KHDRBS2: variants seen among roughly 807,000 people sequenced by gnomAD.
KHDRBS2 encodes the protein KH RNA binding domain containing, signal transduction associated 2, also known as KH domain-containing, RNA-binding, signal transduction-associated protein 2.
In KHDRBS2, 26 loss-of-function variants were observed where a neutral mutation model predicts 44.3. That is an observed-to-expected ratio of 0.59 (90% CI 0.43 to 0.81). KHDRBS2 has a LOEUF of 0.81. Ranked by LOEUF, KHDRBS2 falls within the 40% of genes least tolerant of loss-of-function variation. KHDRBS2 has a pLI of 0.00. For missense variants in KHDRBS2, 476 were observed against 433.1 expected, an observed-to-expected ratio of 1.10 and a Z score of -0.88; for synonymous variants, 194 against 151.1, an observed-to-expected ratio of 1.28 and a Z score of -2.08.
intron 2 of KHDRBS2, among the ~76,000 whole-genome samples, chr6:62,073,934 G>T (rs1161359745): frequency 6.6e-6 from 1 of 151,746 alleles, no homozygotes; most frequent in Non-Finnish European, 1.5e-5. Flanking sequence ...TTTCCCCTAA[G>T]TGGTACTCCT....
intron 7 of KHDRBS2, among the ~76,000 whole-genome samples, chr6:61,712,091 G>A (rs9344549): frequency 1.3e-5 from 2 of 151,374 alleles, no homozygotes; most frequent in African/African-American, 2.4e-5. Flanking sequence ...GGCACATGGG[G>A]GAGCTCTTTT....
At chr6:62,004,583 A>G (rs544910687) in intron 3 of KHDRBS2, among the ~76,000 whole-genome samples, 2 of 146,316 alleles carry the variant, frequency 1.4e-5, no homozygotes, top group Non-Finnish European at 3.1e-5. Flanking sequence ...CCAGAGGTAC[A>G]AAGAGGAGCT....
chr6:61,998,835 A>T (rs1440963068), intron 3 of KHDRBS2, among the ~76,000 whole-genome samples: 2 of 152,030 alleles, frequency 1.3e-5, no homozygotes, highest in Non-Finnish European at 1.5e-5. Context: ...TCAAACATTG[A>T]CCTTGAAGTC....
intron 6 of KHDRBS2, among the ~76,000 whole-genome samples, chr6:61,747,700 C>T (rs1300281957): frequency 6.6e-6 from 1 of 152,180 alleles, no homozygotes; most frequent in East Asian, 1.9e-4. Flanking sequence ...GAAAGGAAGG[C>T]ATTTTTAATT....
At chr6:61,983,637 G>C (rs1774433610) in intron 3 of KHDRBS2, among the ~76,000 whole-genome samples, 1 of 152,018 alleles carries the variant, frequency 6.6e-6, no homozygotes, top group Non-Finnish European at 1.5e-5. Context: ...TCCAATCTGA[G>C]ATTCCCTATG....
intron 6 of KHDRBS2, among the ~76,000 whole-genome samples, chr6:61,800,044 C>T (rs1282698733): frequency 2.0e-5 from 3 of 151,900 alleles, no homozygotes; most frequent in Non-Finnish European, 2.9e-5. Flanking sequence ...TATAATATGC[C>T]TATAAGTATT....
At chr6:62,191,619 G>C (rs915699834) in intron 1 of KHDRBS2, among the ~76,000 whole-genome samples, 2 of 152,046 alleles carry the variant, frequency 1.3e-5, no homozygotes, top group African/African-American at 4.8e-5. Flanking sequence ...TTTAAACTCA[G>C]TCAGGCCCAC....
intron 1 of KHDRBS2, among the ~76,000 whole-genome samples, chr6:62,246,777 T>A (rs1222624411): frequency 6.6e-6 from 1 of 151,994 alleles, no homozygotes; most frequent in Non-Finnish European, 1.5e-5. Context: ...TACTCAGCTG[T>A]GAGTAATGAT....
chr6:61,569,387 C>T, the KHDRBS2 span, among the ~76,000 whole-genome samples: 353 of 152,262 alleles, frequency 2.3e-3, 2 homozygotes, highest in African/African-American at 8.0e-3. Context: ...AAAATACTTA[C>T]ACTGGAAAAA....
intron 2 of KHDRBS2, among the ~76,000 whole-genome samples, chr6:62,048,608 G>T (rs903440575): frequency 3.3e-5 from 5 of 151,730 alleles, no homozygotes; most frequent in African/African-American, 7.2e-5. Context: ...AAAGATATGA[G>T]CACATAAAAG....
intron 2 of KHDRBS2, among the ~76,000 whole-genome samples, chr6:62,138,830 G>C (rs1326624564): frequency 6.6e-6 from 1 of 152,078 alleles, no homozygotes; most frequent in Admixed American, 6.6e-5. Context: ...AAAATACAAG[G>C]TTAAATATAA....
rs145017316 is a variant in KHDRBS2, at chr6:61,948,654, C to CATTATTATTATTATTATT, written c.483+29394_483+29411dup. Among the ~76,000 whole-genome samples, 173 of 141,592 alleles carry CATTATTATTATTATTATT rather than the reference C, an allele frequency of 1.2e-3. 1 individual carries two copies. Among genetic ancestry groups the CATTATTATTATTATTATT allele is most frequent in the South Asian group, 1.4e-3 (6 of 4,344 alleles). 92.9% of individuals were successfully genotyped at this position (141,592 alleles called of 152,430 possible). On this transcript the variant is annotated intron_variant, in intron 4 of 8. Transcript: ENST00000281156. Reference sequence around the variant, plus strand: ...TGTGTTGATAAGCACTATATTCTCACATTATTATTATTATTATTATTATTA... The same window carrying CATTATTATTATTATTATT: ...TGTGTTGATAAGCACTATATTCTCACATTATTATTATTATTATTATTATTATTATTATTATTATTATTA...
chr6:62,254,160 C>T (rs1836996297), intron 1 of KHDRBS2, among the ~76,000 whole-genome samples: 1 of 152,012 alleles, frequency 6.6e-6, no homozygotes, highest in Non-Finnish European at 1.5e-5. Flanking sequence ...GTTTCAGTTG[C>T]TGTTCCTGCA....
intron 2 of KHDRBS2, among the ~76,000 whole-genome samples, chr6:62,139,882 C>T (rs576297257): frequency 2.0e-5 from 3 of 152,200 alleles, no homozygotes; most frequent in Admixed American, 2.0e-4. Flanking sequence ...TGCCACCTCC[C>T]CACTCCCCGC....
chr6:62,124,947 G>A (rs1184188241), intron 2 of KHDRBS2, among the ~76,000 whole-genome samples: 1 of 152,060 alleles, frequency 6.6e-6, no homozygotes, highest in African/African-American at 2.4e-5. Context: ...CTGGTGTAAG[G>A]TTATATCATA....
the KHDRBS2 span, among the ~76,000 whole-genome samples, chr6:61,609,094 G>A: frequency 2.0e-5 from 3 of 151,946 alleles, no homozygotes; most frequent in Admixed American, 6.6e-5. Flanking sequence ...ATCCTCTCCA[G>A]CATCTGTAAT....
At chr6:61,988,739 T>A (rs183868563) in intron 3 of KHDRBS2, among the ~76,000 whole-genome samples, 6 of 152,318 alleles carry the variant, frequency 3.9e-5, no homozygotes, top group Admixed American at 1.3e-4. Flanking sequence ...AGCAAAGGTA[T>A]CAGGGCATCA....
intron 3 of KHDRBS2, among the ~76,000 whole-genome samples, chr6:62,036,233 G>A (rs762809558): frequency 7.2e-4 from 110 of 151,902 alleles, no homozygotes; most frequent in Non-Finnish European, 1.4e-3. Flanking sequence ...AAGAGAGGAC[G>A]GATAGCAACA....
intron 1 of KHDRBS2, among the ~76,000 whole-genome samples, chr6:62,282,105 TA>T (rs1362363343): frequency 2.0e-5 from 3 of 152,158 alleles, no homozygotes; most frequent in Non-Finnish European, 4.4e-5. Flanking sequence ...TTTCCTTAAT[TA>T]AAAAACTTAT....
Sources: allele counts gnomAD v4.1 joint callset (sites outside exome capture counted in the v4.1 genomes callset), GRCh38; gene constraint gnomAD v4.1.1; transcripts MANE v1.5; gene names NCBI Gene and HGNC (gene_info 2026-07-23, HGNC 2026-07-21).